Variants in SPAG17 observed in about 807,000 individuals in gnomAD.
SPAG17 encodes sperm associated antigen 17.
Under a neutral mutation model 273.6 loss-of-function variants are expected in SPAG17, and 169 were observed. The ratio of observed to expected loss-of-function variants is 0.62; its 90% CI spans 0.55 to 0.70. The LOEUF (loss-of-function observed/expected upper bound fraction) is 0.70, where lower values mean the gene tolerates loss of function less well. Ranked by LOEUF, SPAG17 falls within the 30% of genes least tolerant of loss-of-function variation. The probability of loss-of-function intolerance (pLI) is 0.00; values close to 1 mark genes in which losing one functional copy is unlikely to be tolerated. For synonymous variants in SPAG17, 825 were observed against 873.2 expected (o/e 0.94, Z 0.97); for missense variants, 2,557 against 2,627.8 (o/e 0.97, Z 0.59).
chr1:118,121,731 T>C (rs1369242055), intron 3 of SPAG17, among the ~76,000 whole-genome samples: 1 of 152,214 alleles, frequency 6.6e-6, no homozygotes, highest in Non-Finnish European at 1.5e-5. Context: ...TGAGTGCATG[T>C]CCATGTGTGC....
At chr1:118,062,566 G>A (rs1652452766) in intron 18 of SPAG17, among the ~76,000 whole-genome samples, 1 of 151,874 alleles carries the variant, frequency 6.6e-6, no homozygotes, top group African/African-American at 2.4e-5. Flanking sequence ...TCATCAGGAA[G>A]ATATAACAAT....
intron 3 of SPAG17, among the ~76,000 whole-genome samples, chr1:118,136,061 A>G (rs755241781): frequency 2.6e-4 from 39 of 152,202 alleles, no homozygotes; most frequent in Non-Finnish European, 5.3e-4. Flanking sequence ...TAAGCCTTAA[A>G]TCTGCCATAC....
intron 20 of SPAG17, among the ~76,000 whole-genome samples, chr1:118,048,583 A>G (rs1275725069): frequency 1.3e-5 from 2 of 152,234 alleles, no homozygotes; most frequent in Non-Finnish European, 2.9e-5. Context: ...AGGAGGAGAC[A>G]TTACAAATGG....
rs1390262633 is a variant in SPAG17, at chr1:118,012,322, A to T, written c.4338T>A (p.Gly1446=). 6.2e-7 allele frequency: 1 copy of T among 1,613,828 alleles called. No homozygotes were observed. The highest frequency in any genetic ancestry group is 1.7e-5 in the Admixed American group (1 of 59,992). Residue 1446 remains glycine (G), a synonymous_variant, in exon 30 of 49, where the codon GGT becomes GGA. Transcript: ENST00000336338. The part of the protein sequence containing the change: ...DKVVIVERKD[G]TRIVDHADGT... ...CATCAGCATGATCCACTATCCGAGT[A>T]CCATCTTTCCTTTCAACTATGACAA...
chr1:118,103,870 T>A (rs945161114), intron 4 of SPAG17, among the ~76,000 whole-genome samples: 2 of 151,198 alleles, frequency 1.3e-5, no homozygotes, highest in African/African-American at 4.9e-5. Flanking sequence ...TGTGTGTGTG[T>A]GAAGATCCTA....
intron 43 of SPAG17, among the ~76,000 whole-genome samples, chr1:117,978,594 C>T (rs1026161103): frequency 3.9e-5 from 6 of 152,272 alleles, no homozygotes; most frequent in South Asian, 2.1e-4. Context: ...TTCCATTTCT[C>T]TAGTCTTTTA....
At chr1:118,071,141 AC>A (rs1292668498) in intron 17 of SPAG17, among the ~76,000 whole-genome samples, 1 of 151,812 alleles carries the variant, frequency 6.6e-6, no homozygotes, top group Non-Finnish European at 1.5e-5. Context: ...GTTATTGACA[AC>A]CCCCCACCCC....
intron 41 of SPAG17, 52 bp from the exon 42 acceptor site, chr1:117,983,965 T>A: frequency 1.2e-6 from 1 of 868,286 alleles, no homozygotes; most frequent in Non-Finnish European, 1.8e-6. Context: ...GAAATTCAAC[T>A]GTCGCAAATA....
Position 118,032,930 on chromosome 1 carries a change from G to T in SPAG17, c.3434-1063C>A, listed in dbSNP as rs180981097. ...GTTTTTAGGTTGCAGGGTTTATTAT[G>T]TTCTCAATCCTCCTTGCCTGTAATA... On this transcript the variant is annotated intron_variant, in intron 24 of 48. Coordinates refer to ENST00000336338, the MANE Select transcript of SPAG17 (RefSeq NM_206996.4). Among the ~76,000 whole-genome samples, 3 of 152,138 alleles carry T rather than the reference G, an allele frequency of 2.0e-5. No homozygotes were observed. The East Asian group carries it at 5.8e-4, about 29-fold the overall frequency.
chr1:118,133,339 C>T (rs1658160783), intron 3 of SPAG17, among the ~76,000 whole-genome samples: 1 of 151,946 alleles, frequency 6.6e-6, no homozygotes, highest in Non-Finnish European at 1.5e-5. Flanking sequence ...AGGGCAATCC[C>T]CCTTCTGGCA....
chr1:118,059,139 TAGA>T (rs970312170), intron 18 of SPAG17, among the ~76,000 whole-genome samples: 7 of 152,260 alleles, frequency 4.6e-5, no homozygotes, highest in Admixed American at 1.3e-4. Context: ...CAAATCTAAA[TAGA>T]GGATTACTTT....
Position 117,953,716 on chromosome 1 carries a change from A to G in SPAG17, c.*334T>C, listed in dbSNP as rs1651762012. The stretch of plus-strand genomic sequence containing the variant: ...GTAACCAAAGATGGGAGTAGTCCTG[A>G]ATCTCTTTGATCAATATGTGCTCCT... On this transcript the variant is annotated 3_prime_UTR_variant, in exon 49 of 49. Coordinates refer to ENST00000336338, the MANE Select transcript of SPAG17 (RefSeq NM_206996.4). 1.6e-6 allele frequency: 1 copy of G among 642,944 alleles called. No homozygotes were observed. Among genetic ancestry groups the G allele is most frequent in the Non-Finnish European group, 2.7e-6 (1 of 376,898 alleles). The allele number at this position is 642,944 out of a possible 1,614,324, so 39.8% of individuals were successfully genotyped here.
chr1:118,097,900 T>C (rs1382776077), intron 6 of SPAG17, 49 bp from the exon 7 acceptor site: 1 of 1,363,440 alleles, frequency 7.3e-7, no homozygotes, highest in Non-Finnish European at 1.0e-6. Flanking sequence ...GTTAAATGTT[T>C]TCCCACTTTA....
intron 15 of SPAG17, among the ~76,000 whole-genome samples, chr1:118,077,116 G>A (rs1333488491): frequency 6.6e-6 from 1 of 152,154 alleles, no homozygotes; most frequent in Non-Finnish European, 1.5e-5. Flanking sequence ...GGTTGTGCAG[G>A]AAATACATGA....
At chr1:118,096,246 A>G (rs1343515492) in intron 7 of SPAG17, among the ~76,000 whole-genome samples, 1 of 152,298 alleles carries the variant, frequency 6.6e-6, no homozygotes, top group East Asian at 1.9e-4. Context: ...ATCTCAAGGT[A>G]ATAGAACCAG....
intron 1 of SPAG17, among the ~76,000 whole-genome samples, chr1:118,167,178 T>G (rs1392421484): frequency 6.6e-6 from 1 of 152,194 alleles, no homozygotes; most frequent in Non-Finnish European, 1.5e-5. Flanking sequence ...CAAAATTTCT[T>G]TACTAGAAAC....
intron 32 of SPAG17, among the ~76,000 whole-genome samples, chr1:118,001,367 A>G (rs1259640200): frequency 1.3e-5 from 2 of 152,036 alleles, no homozygotes; most frequent in African/African-American, 4.8e-5. Context: ...CTCTTTTTCT[A>G]TTGATTGGAA....
chr1:118,149,242 G>T (rs998155231), intron 3 of SPAG17, among the ~76,000 whole-genome samples: 2 of 152,172 alleles, frequency 1.3e-5, no homozygotes, highest in African/African-American at 2.4e-5. Context: ...TATTGGAGAG[G>T]AATGGCTTTC....
chr1:118,023,425 A>C lies in SPAG17; in HGVS notation c.3948T>G (p.Asn1316Lys), dbSNP rs1212751401. 1 of 1,611,268 alleles carries C rather than the reference A, an allele frequency of 6.2e-7. No homozygotes were observed. Among genetic ancestry groups the C allele is most frequent in the African/African-American group, 1.3e-5 (1 of 74,858 alleles). ...FADGAVSRSP[N>K]SGLICPPSEM... ...CAGAAGGAGGACAAATAAGACCTGAATTGGGACTCCTGCTCACAGCACCAT... is the reference window on the plus strand; with the variant it reads ...CAGAAGGAGGACAAATAAGACCTGACTTGGGACTCCTGCTCACAGCACCAT... Residue 1316 changes from asparagine to lysine, a missense_variant, in exon 28 of 49, where the codon AAT (asparagine) becomes AAG (lysine). By Grantham distance (94) the Asn-to-Lys change is moderately conservative. Transcript: ENST00000336338.
Sources: allele counts gnomAD v4.1 joint callset (sites outside exome capture counted in the v4.1 genomes callset), GRCh38; gene constraint gnomAD v4.1.1; transcripts MANE v1.5; gene names NCBI Gene and HGNC (gene_info 2026-07-23, HGNC 2026-07-21).